Variants in RBFOX1 observed in about 807,000 individuals in gnomAD.
RBFOX1 encodes the protein RNA binding fox-1 homolog 1, also known as RNA binding protein fox-1 homolog 1.
RBFOX1 carries 8 observed loss-of-function variants against 57.7 expected under a neutral mutation model. The observed-to-expected ratio is 0.14, with a 90% CI of 0.08 to 0.25. The LOEUF (loss-of-function observed/expected upper bound fraction) is 0.25. Ranked by LOEUF, RBFOX1 falls within the 10% of genes least tolerant of loss-of-function variation. The pLI is 1.00. For synonymous variants in RBFOX1, 326 were observed against 222.4 expected, an observed-to-expected ratio of 1.47 and a Z score of -4.15; for missense variants, 611 against 548.5, an observed-to-expected ratio of 1.11 and a Z score of -1.14.
intron 4 of RBFOX1, among the ~76,000 whole-genome samples, chr16:7,310,303 C>T (rs932609161): frequency 1.3e-5 from 2 of 152,154 alleles, no homozygotes; most frequent in Admixed American, 6.5e-5. Flanking sequence ...AATGTCCTGG[C>T]TCCTGAGAGG....
chr16:5,812,550 C>T lies in RBFOX1; in HGVS notation c.319-54753C>T, dbSNP rs115317554. ...CGTAGCTCACTGCAGCCTCGAACTC[C>T]TGGGCTCAGGGGGATCTTCTCCCCT... On this transcript the variant is annotated intron_variant, in intron 3 of 19. Transcript: ENST00000641259. 5.1e-3 allele frequency among the ~76,000 whole-genome samples: 771 copies of T among 150,804 alleles called. 4 individuals carry two copies. Among genetic ancestry groups the T allele is most frequent in the African/African-American group, 0.018 (736 of 40,972 alleles).
chr16:6,325,110 C>G (rs934505795), intron 2 of RBFOX1, among the ~76,000 whole-genome samples: 1 of 151,964 alleles, frequency 6.6e-6, no homozygotes, highest in African/African-American at 2.4e-5. Flanking sequence ...AAGCCCAGAA[C>G]TTTGGGAGGC....
At chr16:6,941,989 C>T (rs2078619187) in intron 3 of RBFOX1, among the ~76,000 whole-genome samples, 1 of 152,018 alleles carries the variant, frequency 6.6e-6, no homozygotes, top group Admixed American at 6.6e-5. Context: ...AGCACTTTAC[C>T]AGGCGGAGGT....
chr16:7,022,954 A>G (rs2039749346), intron 3 of RBFOX1, among the ~76,000 whole-genome samples: 1 of 152,178 alleles, frequency 6.6e-6, no homozygotes, highest in Non-Finnish European at 1.5e-5. Context: ...CTAAATAGAC[A>G]CAGCCAGGAA....
At chr16:6,627,621 C>G (rs1445075862) in intron 2 of RBFOX1, among the ~76,000 whole-genome samples, 7 of 152,092 alleles carry the variant, frequency 4.6e-5, no homozygotes, top group African/African-American at 1.7e-4. Context: ...AACGCCTATA[C>G]TTAAGAATAT....
intron 4 of RBFOX1, among the ~76,000 whole-genome samples, chr16:5,921,687 T>G (rs546339089): frequency 2.6e-5 from 4 of 152,250 alleles, no homozygotes; most frequent in African/African-American, 9.6e-5. Flanking sequence ...AGAGGTTTAA[T>G]TGGCTAATGG....
At chr16:5,728,843 C>G (rs79463755) in intron 3 of RBFOX1, among the ~76,000 whole-genome samples, 1 of 152,124 alleles carries the variant, frequency 6.6e-6, no homozygotes, top group African/African-American at 2.4e-5. Context: ...TCCAAGATCA[C>G]CTTTAAGTCT....
At chr16:5,721,203 T>C (rs779437486) in intron 3 of RBFOX1, among the ~76,000 whole-genome samples, 8 of 152,228 alleles carry the variant, frequency 5.3e-5, no homozygotes, top group Non-Finnish European at 1.0e-4. Context: ...AAGTTTATTC[T>C]TTTTGATACT....
intron 2 of RBFOX1, among the ~76,000 whole-genome samples, chr16:6,526,419 T>C (rs1173419459): frequency 6.6e-6 from 1 of 152,212 alleles, no homozygotes; most frequent in African/African-American, 2.4e-5. Flanking sequence ...TCTGCAATTA[T>C]AAGCACCAGT....
chr16:6,902,939 G>A (rs1270281021), intron 3 of RBFOX1, among the ~76,000 whole-genome samples: 3 of 152,210 alleles, frequency 2.0e-5, no homozygotes, highest in Middle Eastern at 3.4e-3. Context: ...TTACTTGTTC[G>A]GGGCTTACAA....
intron 2 of RBFOX1, among the ~76,000 whole-genome samples, chr16:5,520,683 C>T (rs558925450): frequency 7.9e-5 from 12 of 152,286 alleles, no homozygotes; most frequent in South Asian, 6.2e-4. Context: ...TGTATATGCT[C>T]GTCTCACCAT....
chr16:7,108,579 C>T (rs996173133), intron 4 of RBFOX1, among the ~76,000 whole-genome samples: 9 of 152,050 alleles, frequency 5.9e-5, no homozygotes, highest in African/African-American at 1.9e-4. Context: ...TTTGTGTTTG[C>T]GTATGGTTCA....
intron 3 of RBFOX1, among the ~76,000 whole-genome samples, chr16:7,005,814 A>G (rs1312059756): frequency 1.3e-5 from 2 of 152,178 alleles, no homozygotes; most frequent in Non-Finnish European, 2.9e-5. Context: ...TCTGGCTCAC[A>G]TGAGTGACTG....
intron 4 of RBFOX1, among the ~76,000 whole-genome samples, chr16:5,929,275 C>A (rs1481915441): frequency 6.6e-6 from 1 of 152,040 alleles, no homozygotes; most frequent in East Asian, 1.9e-4. Flanking sequence ...TCAGCAAGTT[C>A]AAGTTCTTAC....
At chr16:5,513,639 C>T (rs895143763) in intron 2 of RBFOX1, among the ~76,000 whole-genome samples, 1 of 152,132 alleles carries the variant, frequency 6.6e-6, no homozygotes, top group African/African-American at 2.4e-5. Context: ...TTTGTTTATT[C>T]CCCCACATTT....
chr16:5,349,102 T>G (rs926115000), intron 1 of RBFOX1, among the ~76,000 whole-genome samples: 3 of 152,166 alleles, frequency 2.0e-5, no homozygotes, highest in Admixed American at 6.5e-5. Flanking sequence ...GGAGTATTAT[T>G]CCGCCTTAAA....
intron 2 of RBFOX1, among the ~76,000 whole-genome samples, chr16:6,370,803 G>A (rs1401115051): frequency 6.6e-6 from 1 of 152,304 alleles, no homozygotes; most frequent in East Asian, 1.9e-4. Flanking sequence ...CCACTTAATT[G>A]AATACTTTAA....
intron 4 of RBFOX1, among the ~76,000 whole-genome samples, chr16:7,428,230 C>G (rs2149511576): frequency 6.6e-6 from 1 of 152,130 alleles, no homozygotes; most frequent in South Asian, 2.1e-4. Flanking sequence ...TTCTCCAACA[C>G]CTAGCATTGC....
chr16:7,204,460 A>G (rs1393801019), intron 4 of RBFOX1, among the ~76,000 whole-genome samples: 6 of 152,278 alleles, frequency 3.9e-5, no homozygotes, highest in Admixed American at 3.3e-4. Context: ...TAAGCAACAT[A>G]GTAAGACATT....
Sources: allele counts gnomAD v4.1 joint callset (sites outside exome capture counted in the v4.1 genomes callset), GRCh38; gene constraint gnomAD v4.1.1; transcripts MANE v1.5; gene names NCBI Gene and HGNC (gene_info 2026-07-23, HGNC 2026-07-21).